The following UTS2B variants were observed in gnomAD, a reference collection of about 807,000 sequenced individuals.
The protein encoded by UTS2B is urotensin-2B.
Under a neutral mutation model 19.2 loss-of-function variants are expected in UTS2B, and 21 were observed. The ratio of observed to expected loss-of-function variants is 1.09; its 90% CI spans 0.78 to 1.58. The LOEUF (loss-of-function observed/expected upper bound fraction) is 1.58, where lower values mean the gene tolerates loss of function less well. Ranked by LOEUF, UTS2B falls within the 40% of genes most tolerant of loss-of-function variation. The pLI is 0.00. For synonymous variants in UTS2B, 57 were observed against 50.2 expected, an observed-to-expected ratio of 1.14 and a Z score of -0.58; for missense variants, 138 against 130.3, an observed-to-expected ratio of 1.06 and a Z score of -0.29.
chr3:191,316,990 GT>G (rs919324727), intron 2 of UTS2B, among the ~76,000 whole-genome samples: 4 of 152,258 alleles, frequency 2.6e-5, no homozygotes, highest in Non-Finnish European at 5.9e-5. Context: ...GGAGCCTCCC[GT>G]TAGTCCCGCA....
chr3:191,303,761 C>T (rs1717062496), intron 4 of UTS2B, among the ~76,000 whole-genome samples: 2 of 152,084 alleles, frequency 1.3e-5, no homozygotes, highest in African/African-American at 2.4e-5. Flanking sequence ...AATGTTTTTC[C>T]TTGTATTTCA....
At chr3:191,289,854 G>T (rs1716666053) in intron 4 of UTS2B, among the ~76,000 whole-genome samples, 1 of 152,120 alleles carries the variant, frequency 6.6e-6, no homozygotes, top group Non-Finnish European at 1.5e-5. Flanking sequence ...GATAGCAGAA[G>T]TTAAGTTTCA....
At chr3:191,292,329 A>G (rs1400333846) in intron 4 of UTS2B, among the ~76,000 whole-genome samples, 1 of 152,046 alleles carries the variant, frequency 6.6e-6, no homozygotes, top group African/African-American at 2.4e-5. Context: ...CTTTGGTTCA[A>G]TTTACTCCTA....
At chr3:191,333,996 T>C (rs141034645), upstream of UTS2B, among the ~76,000 whole-genome samples, 1,818 of 152,304 alleles carry the variant, frequency 0.012, 21 homozygotes, top group Non-Finnish European at 0.018. Context: ...TCATTAAGAA[T>C]AGAATTTTAG....
intron 2 of UTS2B, among the ~76,000 whole-genome samples, chr3:191,317,661 C>G (rs1247179693): frequency 6.6e-6 from 1 of 152,204 alleles, no homozygotes; most frequent in Non-Finnish European, 1.5e-5. Context: ...TCACTGCAAC[C>G]TCTGCCTCCC....
At chr3:191,277,983 T>C in intron 6 of UTS2B, 89 bp downstream of exon 6, 1 of 653,354 alleles carries the variant, frequency 1.5e-6, no homozygotes, top group Non-Finnish European at 2.5e-6. Flanking sequence ...TTTCATTTAA[T>C]ATAAATTAAC....
Position 191,282,127 on chromosome 3 carries a change from A to C in UTS2B, c.63T>G (p.Ser21Arg). The change falls in exon 5 of 9, where the codon AGT becomes AGG. Residue 21 changes from serine to arginine, a missense_variant. Physicochemically the swap from Ser to Arg is moderately radical, Grantham distance 110. Coordinates refer to ENST00000340524, the MANE Select transcript of UTS2B (RefSeq NM_198152.5). ...GTCGTCCATGCACAGATTGTAAAAAACTCAACACGGATAACAAAGTTAGGA... is the reference window on the plus strand; with the variant it reads ...GTCGTCCATGCACAGATTGTAAAAACCTCAACACGGATAACAAAGTTAGGA... ...FGLLTLLSVL[S>R]FLQSVHGRPY... 1.2e-6 allele frequency: 2 copies of C among 1,613,350 alleles called. No homozygotes were observed. The highest frequency in any genetic ancestry group is 2.7e-5 in the African/African-American group (2 of 75,002).
Position 191,323,143 on chromosome 3 carries a change from T to C in UTS2B, c.-586+5488A>G, listed in dbSNP as rs532492592. Among the ~76,000 whole-genome samples, 3 of 131,732 alleles carry C rather than the reference T, an allele frequency of 2.3e-5. No individual in the cohort carries two copies. In the East Asian group the frequency reaches 7.5e-4, roughly 33 times the overall value. The allele number at this position is 131,732 out of a possible 152,430, so 86.4% of individuals were successfully genotyped here. On this transcript the variant is annotated intron_variant, in intron 2 of 8. Coordinates refer to ENST00000340524, the MANE Select transcript of UTS2B (RefSeq NM_198152.5). ...TCTTTTCAGTGCTGTTATTTTATTTTATTTTATTTATTTATTTATTTTTGA... is the reference window on the plus strand; with the variant it reads ...TCTTTTCAGTGCTGTTATTTTATTTCATTTTATTTATTTATTTATTTTTGA...
At chr3:191,312,513 C>CT (rs200654725) in intron 3 of UTS2B, among the ~76,000 whole-genome samples, 88 of 151,544 alleles carry the variant, frequency 5.8e-4, no homozygotes, top group East Asian at 1.5e-3. Context: ...CATCAGTTTA[C>CT]TTTTTTTTTG....
At chr3:191,300,495 G>A (rs952696396) in intron 4 of UTS2B, among the ~76,000 whole-genome samples, 4 of 152,206 alleles carry the variant, frequency 2.6e-5, no homozygotes, top group African/African-American at 7.2e-5. Flanking sequence ...TCTCAGATGA[G>A]ACTTTGGACT....
rs1440256459 is a variant in UTS2B at position 191,267,694 on chromosome 3, T to C, written c.*722A>G. ...TGAGGGATTTAGGGTCATTTGATTA[T>C]GAGGTGAGATGGTCACATGGGGATG... On this transcript the variant is annotated 3_prime_UTR_variant, in exon 9 of 9. Transcript: ENST00000340524. 2.0e-5 allele frequency: 3 copies of C among 152,186 alleles called. No homozygotes were observed. Among genetic ancestry groups the C allele is most frequent in the Admixed American group, 2.0e-4 (3 of 15,284 alleles). 9.4% of individuals were successfully genotyped at this position (152,186 alleles called of 1,614,324 possible).
rs558809236 is a variant in UTS2B at position 191,307,862 on chromosome 3, G to A, written c.-181-3314C>T. ...CTTTTTTTTTTTTTTTTGAGTCAGA[G>A]TCTCGCTCCGTTGCCCAGGCTGGAG... On this transcript the variant is annotated intron_variant, in intron 3 of 8. Coordinates refer to ENST00000340524, the MANE Select transcript of UTS2B (RefSeq NM_198152.5). 3.6e-5 allele frequency among the ~76,000 whole-genome samples: 5 copies of A among 140,472 alleles called. No individual in the cohort carries two copies. In the South Asian group the frequency reaches 6.7e-4, roughly 19 times the overall value. The allele number at this position is 140,472 out of a possible 152,430, so 92.2% of individuals were successfully genotyped here.
chr3:191,336,516 ATTTTC>A, the UTS2B span, among the ~76,000 whole-genome samples: 88 of 151,996 alleles, frequency 5.8e-4, 1 homozygote, highest in African/African-American at 2.1e-3. Flanking sequence ...AAAATCGACT[ATTTTC>A]TTATTATTGA....
chr3:191,269,080 G>T (rs1302280403), intron 8 of UTS2B, among the ~76,000 whole-genome samples: 1 of 152,158 alleles, frequency 6.6e-6, no homozygotes, highest in Non-Finnish European at 1.5e-5. Flanking sequence ...ATCTTCTGTA[G>T]GTTGTTACCA....
At chr3:191,317,163 G>A (rs910561321) in intron 2 of UTS2B, among the ~76,000 whole-genome samples, 5 of 152,234 alleles carry the variant, frequency 3.3e-5, no homozygotes, top group African/African-American at 9.6e-5. Flanking sequence ...GCGGGGAGGC[G>A]GCTGAGGCCT....
At chr3:191,272,363 G>A (rs187368688) in intron 8 of UTS2B, among the ~76,000 whole-genome samples, 423 of 152,314 alleles carry the variant, frequency 2.8e-3, no homozygotes, top group African/African-American at 9.3e-3. Flanking sequence ...GGCAAAATAA[G>A]TGCTAAAACT....
At chr3:191,324,280 A>T (rs772922638) in intron 2 of UTS2B, among the ~76,000 whole-genome samples, 16 of 152,234 alleles carry the variant, frequency 1.1e-4, no homozygotes, top group Non-Finnish European at 5.9e-5. Context: ...GGCATTCATA[A>T]GTGTAACAAA....
At chr3:191,315,357 C>T (rs1046811958) in intron 3 of UTS2B, among the ~76,000 whole-genome samples, 4 of 152,146 alleles carry the variant, frequency 2.6e-5, no homozygotes, top group African/African-American at 4.8e-5. Flanking sequence ...TTCTGTGACC[C>T]CTGATTTACA....
upstream of UTS2B, among the ~76,000 whole-genome samples, chr3:191,334,997 C>T (rs1718095248): frequency 6.6e-6 from 1 of 152,098 alleles, no homozygotes; most frequent in African/African-American, 2.4e-5. Flanking sequence ...TGCATGTCTT[C>T]TCTGGTATAT....
Sources: allele counts gnomAD v4.1 joint callset (sites outside exome capture counted in the v4.1 genomes callset), GRCh38; gene constraint gnomAD v4.1.1; transcripts MANE v1.5; gene names NCBI Gene and HGNC (gene_info 2026-07-23, HGNC 2026-07-21).